SCFD2: variants seen among roughly 807,000 people sequenced by gnomAD.
SCFD2 encodes the protein sec1 family domain-containing protein 2.
SCFD2 carries 54 observed loss-of-function variants against 58.9 expected under a neutral mutation model. That is an observed-to-expected ratio of 0.92 (90% confidence interval 0.74 to 1.15). The LOEUF is 1.15. SCFD2 is among the 50% of genes most tolerant of loss of function. The pLI is 0.00. For missense variants in SCFD2, 805 were observed against 836.6 expected, an observed-to-expected ratio of 0.96 and a Z score of 0.47; for synonymous variants, 321 against 335.9, an observed-to-expected ratio of 0.96 and a Z score of 0.49.
chr4:53,112,043 CAGAG>C (rs951536855), intron 5 of SCFD2, among the ~76,000 whole-genome samples: 1 of 152,052 alleles, frequency 6.6e-6, no homozygotes, highest in African/African-American at 2.4e-5. Context: ...GATAGACAAA[CAGAG>C]AGAAGTTTCA....
At chr4:52,978,690 A>T (rs983162105) in intron 5 of SCFD2, among the ~76,000 whole-genome samples, 3 of 152,136 alleles carry the variant, frequency 2.0e-5, no homozygotes, top group African/African-American at 7.2e-5. Flanking sequence ...GAAGAAAAAA[A>T]AAAGAAAGGA....
intron 5 of SCFD2, among the ~76,000 whole-genome samples, chr4:53,077,666 G>A (rs901259375): frequency 5.9e-5 from 9 of 152,060 alleles, no homozygotes; most frequent in Admixed American, 1.3e-4. Context: ...TCGAACTCCC[G>A]ACCTCAGGTG....
chr4:53,232,816 G>T (rs1177107117), intron 4 of SCFD2, among the ~76,000 whole-genome samples: 2 of 152,128 alleles, frequency 1.3e-5, no homozygotes, highest in African/African-American at 4.8e-5. Context: ...AACAGGTTCT[G>T]CTCAGCACTC....
intron 4 of SCFD2, among the ~76,000 whole-genome samples, chr4:53,200,648 T>C (rs1320529110): frequency 5.3e-5 from 8 of 152,118 alleles, no homozygotes; most frequent in African/African-American, 1.9e-4. Context: ...AAAAAACTTT[T>C]CCTCTATGAG....
intron 4 of SCFD2, among the ~76,000 whole-genome samples, chr4:53,240,690 C>G (rs969262367): frequency 1.3e-5 from 2 of 152,188 alleles, no homozygotes; most frequent in African/African-American, 2.4e-5. Flanking sequence ...AAACAAAAAC[C>G]TCTTTGCAGC....
intron 5 of SCFD2, among the ~76,000 whole-genome samples, chr4:53,098,594 C>T (rs1724734009): frequency 6.6e-6 from 1 of 151,984 alleles, no homozygotes; most frequent in Non-Finnish European, 1.5e-5. Flanking sequence ...TCCAGACTCA[C>T]TGCTGCTTTA....
chr4:53,267,979 T>G (rs1486775693), intron 4 of SCFD2, among the ~76,000 whole-genome samples: 1 of 152,148 alleles, frequency 6.6e-6, no homozygotes, highest in Non-Finnish European at 1.5e-5. Flanking sequence ...TTGAACCAAT[T>G]TTATAAGATT....
chr4:53,228,449 G>T (rs1384247624), intron 4 of SCFD2, among the ~76,000 whole-genome samples: 1 of 152,070 alleles, frequency 6.6e-6, no homozygotes, highest in Non-Finnish European at 1.5e-5. Flanking sequence ...GTTGTCTTCT[G>T]TTGCTTCAAC....
chr4:53,049,487 C>T (rs549963176), intron 5 of SCFD2, among the ~76,000 whole-genome samples: 2 of 152,304 alleles, frequency 1.3e-5, no homozygotes, highest in South Asian at 2.1e-4. Flanking sequence ...GGTCAGTCTA[C>T]AGAGGTTAAA....
At chr4:53,215,005 G>A (rs185551970) in intron 4 of SCFD2, among the ~76,000 whole-genome samples, 81,927 of 151,784 alleles carry the variant, frequency 0.54, 22,388 homozygotes, top group Middle Eastern at 0.62. Flanking sequence ...CTGTTCCATT[G>A]GTCTATATCT....
intron 5 of SCFD2, among the ~76,000 whole-genome samples, chr4:53,092,019 A>G (rs1724484768): frequency 6.6e-6 from 1 of 152,172 alleles, no homozygotes. Flanking sequence ...TGTGACAGAA[A>G]AGAAGACGTC....
chr4:52,993,972 T>G, intron 5 of SCFD2, among the ~76,000 whole-genome samples: 1 of 152,218 alleles, frequency 6.6e-6, no homozygotes, highest in South Asian at 2.1e-4. Flanking sequence ...ACCGCATTGC[T>G]TGGGCCCCAG....
intron 4 of SCFD2, among the ~76,000 whole-genome samples, chr4:53,147,478 A>G (rs565838785): frequency 1.3e-5 from 2 of 152,364 alleles, no homozygotes; most frequent in African/African-American, 4.8e-5. Flanking sequence ...GGATGTTCAC[A>G]ATGTACCATA....
chr4:53,309,471 TA>T (rs1374946436), intron 3 of SCFD2, among the ~76,000 whole-genome samples: 1 of 152,104 alleles, frequency 6.6e-6, no homozygotes, highest in Non-Finnish European at 1.5e-5. Flanking sequence ...ATTTTTTCCA[TA>T]AAAGTGTGAC....
Position 53,352,613 on chromosome 4 carries a change from C to G in SCFD2, c.992G>C (p.Cys331Ser). The change falls in exon 2 of 9, where the codon TGT (cysteine) becomes TCT (serine). Residue 331 changes from cysteine (C) to serine (S), a missense_variant. Transcript: ENST00000401642. ...TATATCTTACCTGGATTGTGAAAGACAGCCTGGTGCAACCACATTATAATT... is the reference window on the plus strand; with the variant it reads ...TATATCTTACCTGGATTGTGAAAGAGAGCCTGGTGCAACCACATTATAATT... Reference protein sequence around the residue: ...EENYNVVAPGCLSQSSDTTAK... With the variant: ...EENYNVVAPGSLSQSSDTTAK... 1.2e-6 allele frequency: 2 copies of G among 1,613,006 alleles called. No homozygotes were observed. The highest frequency in any genetic ancestry group is 2.2e-5 in the East Asian group (1 of 44,868).
chr4:52,926,440 G>T lies in SCFD2; in HGVS notation c.1562-5570C>A, dbSNP rs140849186. The stretch of plus-strand genomic sequence containing the variant: ...CCTGTACACATATGCATTTATGCAG[G>T]TCAAGCAAAAATCATGCACGTGTGG... On this transcript the variant is annotated intron_variant, in intron 5 of 8. Transcript: ENST00000401642. Among the ~76,000 whole-genome samples, 15 of 152,130 alleles carry T rather than the reference G, an allele frequency of 9.9e-5. No individual in the cohort carries two copies. The East Asian group carries it at 2.7e-3, about 28-fold the overall frequency.
intron 5 of SCFD2, among the ~76,000 whole-genome samples, chr4:53,123,964 A>T (rs1026288754): frequency 1.6e-4 from 24 of 152,220 alleles, no homozygotes; most frequent in African/African-American, 5.8e-4. Context: ...ATGGATTTTC[A>T]TAGGTACCTC....
At chr4:53,141,355 G>A (rs1169046541) in intron 5 of SCFD2, among the ~76,000 whole-genome samples, 2 of 152,138 alleles carry the variant, frequency 1.3e-5, no homozygotes, top group African/African-American at 4.8e-5. Flanking sequence ...TGTGCACCCA[G>A]CTTTACGTAA....
intron 4 of SCFD2, among the ~76,000 whole-genome samples, chr4:53,218,530 G>A (rs1420376419): frequency 6.6e-6 from 1 of 152,082 alleles, no homozygotes; most frequent in Non-Finnish European, 1.5e-5. Flanking sequence ...GATTATTCTA[G>A]TTAGGCATTC....
Sources: gnomAD v4.1 joint callset for allele counts (sites outside exome capture counted in the v4.1 genomes callset) on GRCh38, gnomAD v4.1.1 for gene constraint, MANE v1.5 for transcripts, NCBI Gene and HGNC (gene_info 2026-07-23, HGNC 2026-07-21) for gene names.